Variants in GABRB2 observed in about 807,000 individuals in gnomAD.
GABRB2 encodes the protein gamma-aminobutyric acid receptor subunit beta-2.
In GABRB2, 16 loss-of-function variants were observed where a neutral mutation model predicts 54.7. The ratio of observed to expected loss-of-function variants is 0.29; its 90% CI spans 0.20 to 0.44. The LOEUF (loss-of-function observed/expected upper bound fraction) is 0.44. Ranked by LOEUF, GABRB2 falls within the 20% of genes least tolerant of loss-of-function variation. GABRB2 has a pLI of 1.00. For synonymous variants in GABRB2, 244 were observed against 233.8 expected (o/e 1.04, Z -0.40); for missense variants, 355 against 644.0 (o/e 0.55, Z 4.86).
At chr5:161,513,111 C>T (rs10476357) in intron 3 of GABRB2, among the ~76,000 whole-genome samples, 3,750 of 150,310 alleles carry the variant, frequency 0.025, 182 homozygotes, top group African/African-American at 0.087. Context: ...TAAAAGGGAA[C>T]GCTTACACAC....
intron 5 of GABRB2, among the ~76,000 whole-genome samples, chr5:161,407,193 G>A (rs1756370995): frequency 6.6e-6 from 1 of 152,068 alleles, no homozygotes. Context: ...TTCTCCTGAG[G>A]GAGGGAGGAG....
chr5:161,347,412 T>C (rs1754348645), intron 5 of GABRB2, among the ~76,000 whole-genome samples: 1 of 152,132 alleles, frequency 6.6e-6, no homozygotes, highest in Admixed American at 6.6e-5. Flanking sequence ...CAAAAAAATC[T>C]GTAATTATGT....
chr5:161,431,472 C>G (rs1335348899), intron 4 of GABRB2, among the ~76,000 whole-genome samples: 1 of 152,080 alleles, frequency 6.6e-6, no homozygotes, highest in Non-Finnish European at 1.5e-5. Context: ...TAAAAGTATA[C>G]AACTTATAAC....
chr5:161,465,252 G>T (rs1466124700), intron 3 of GABRB2, among the ~76,000 whole-genome samples: 1 of 151,124 alleles, frequency 6.6e-6, no homozygotes, highest in Non-Finnish European at 1.5e-5. Flanking sequence ...GACATCTGGA[G>T]GGAAAAAAAA....
chr5:161,343,961 T>C (rs552590884), intron 5 of GABRB2, among the ~76,000 whole-genome samples: 3 of 152,246 alleles, frequency 2.0e-5, no homozygotes, highest in Non-Finnish European at 4.4e-5. Context: ...TCTGATTTAA[T>C]AGGTGAAACC....
intron 3 of GABRB2, among the ~76,000 whole-genome samples, chr5:161,494,631 GT>G (rs1214910250): frequency 6.7e-6 from 1 of 150,238 alleles, no homozygotes; most frequent in Non-Finnish European, 1.5e-5. Flanking sequence ...TAAAAAGTAA[GT>G]TTACTTTTCT....
Position 161,330,877 on chromosome 5 carries a change from A to G in GABRB2, c.1077+6T>C, listed in dbSNP as rs993294374. 2.5e-6 allele frequency: 4 copies of G among 1,614,072 alleles called. No homozygotes were observed. The highest frequency in any genetic ancestry group is 1.7e-5 in the Admixed American group (1 of 60,008). ...GAAGCAAGGAGGGCTTGCCCTCTGAATTTACCTTGTTGACATCCAGGCGCA... is the reference window on the plus strand; with the variant it reads ...GAAGCAAGGAGGGCTTGCCCTCTGAGTTTACCTTGTTGACATCCAGGCGCA... On this transcript the variant is annotated splice_donor_region_variant and intron_variant, in intron 8 of 9. Transcript: ENST00000393959.
At chr5:161,447,787 A>G (rs1279999969) in intron 4 of GABRB2, among the ~76,000 whole-genome samples, 2 of 152,198 alleles carry the variant, frequency 1.3e-5, no homozygotes, top group Non-Finnish European at 2.9e-5. Context: ...TTTTGGCAGT[A>G]ACTTCCATAG....
intron 3 of GABRB2, among the ~76,000 whole-genome samples, chr5:161,544,494 T>C (rs183421520): frequency 1.3e-3 from 198 of 152,270 alleles, no homozygotes; most frequent in African/African-American, 3.8e-3. Context: ...CCAACACGTG[T>C]TTCCTAGTTG....
At chr5:161,380,666 C>G (rs762163175) in intron 5 of GABRB2, among the ~76,000 whole-genome samples, 49 of 152,002 alleles carry the variant, frequency 3.2e-4, no homozygotes, top group South Asian at 8.3e-4. Flanking sequence ...AATTGAAGAG[C>G]TGAGAGTTTC....
chr5:161,316,281 G>C (rs1758025241), intron 9 of GABRB2, among the ~76,000 whole-genome samples: 1 of 152,136 alleles, frequency 6.6e-6, no homozygotes, highest in African/African-American at 2.4e-5. Flanking sequence ...CAGTGAGGTA[G>C]ATAATTAATT....
intron 3 of GABRB2, among the ~76,000 whole-genome samples, chr5:161,513,124 T>C (rs981105116): frequency 6.6e-6 from 1 of 150,646 alleles, no homozygotes; most frequent in African/African-American, 2.4e-5. Flanking sequence ...TTACACACTG[T>C]TGGTGGGAAT....
At chr5:161,412,205 G>A (rs1212694584) in intron 4 of GABRB2, among the ~76,000 whole-genome samples, 4 of 152,170 alleles carry the variant, frequency 2.6e-5, no homozygotes, top group African/African-American at 9.7e-5. Context: ...TCCTGAGTCA[G>A]GTGTGGGAGT....
chr5:161,360,881 GA>G (rs554412784), intron 5 of GABRB2, among the ~76,000 whole-genome samples: 24 of 147,316 alleles, frequency 1.6e-4, no homozygotes, highest in African/African-American at 4.5e-4. Flanking sequence ...GGAAATGGAA[GA>G]AAAAAAAAAC....
intron 3 of GABRB2, among the ~76,000 whole-genome samples, chr5:161,542,714 C>T (rs1424631229): frequency 6.6e-6 from 1 of 152,168 alleles, no homozygotes; most frequent in East Asian, 1.9e-4. Context: ...GAGAAAGTTA[C>T]AATTACCAGA....
At chr5:161,541,536 T>C (rs1397546562) in intron 3 of GABRB2, among the ~76,000 whole-genome samples, 1 of 152,248 alleles carries the variant, frequency 6.6e-6, no homozygotes, top group African/African-American at 2.4e-5. Flanking sequence ...ATCTTCTGCA[T>C]AAATTGCTGT....
intron 9 of GABRB2, among the ~76,000 whole-genome samples, chr5:161,320,597 A>T (rs900480739): frequency 1.3e-5 from 2 of 151,890 alleles, no homozygotes; most frequent in Admixed American, 6.6e-5. Flanking sequence ...ATTCATCTTT[A>T]TATAGTAATA....
At chr5:161,427,701 G>A (rs1392796320) in intron 4 of GABRB2, among the ~76,000 whole-genome samples, 1 of 152,118 alleles carries the variant, frequency 6.6e-6, no homozygotes, top group Non-Finnish European at 1.5e-5. Context: ...TGCTAATACA[G>A]CCTAGAAATA....
rs1168154921 is a variant in GABRB2, at chr5:161,294,342, G to A, written c.1278C>T (p.Asp426=). The A allele has an allele frequency of 1.2e-6, 2 of 1,613,968 alleles. No homozygotes were observed. Among genetic ancestry groups the A allele is most frequent in the South Asian group, 1.1e-5 (1 of 91,084 alleles). The change falls in exon 10 of 10, where the codon GAC becomes GAT. Residue 426 remains aspartate (D), a synonymous_variant. Transcript: ENST00000393959. ...CATAGGCTAGCATTGTGCTTCTGGG[G>A]TCTCCAAGTCCCATCACAGCCTCAG... ...ATSEAVMGLG[D]PRSTMLAYDA...
Sources: gnomAD v4.1 joint callset for allele counts (sites outside exome capture counted in the v4.1 genomes callset) on GRCh38, gnomAD v4.1.1 for gene constraint, MANE v1.5 for transcripts, NCBI Gene and HGNC (gene_info 2026-07-23, HGNC 2026-07-21) for gene names.